The following ZNF248 variants were observed in gnomAD, a reference collection of about 807,000 sequenced individuals.
ZNF248 encodes KRAB protein domain.
In ZNF248, 20 loss-of-function variants were observed where a neutral mutation model predicts 44.3. That is an observed-to-expected ratio of 0.45 (90% CI 0.32 to 0.66). The LOEUF is 0.66. ZNF248 is among the 30% of genes least tolerant of loss of function. The pLI, the probability that ZNF248 is intolerant of heterozygous loss-of-function variation, is 0.04. For missense variants in ZNF248, 654 were observed against 677.0 expected, an observed-to-expected ratio of 0.97 and a Z score of 0.38; for synonymous variants, 224 against 229.0, an observed-to-expected ratio of 0.98 and a Z score of 0.20.
downstream of ZNF248, among the ~76,000 whole-genome samples, chr10:37,826,042 TA>T (rs1052168838): frequency 3.3e-5 from 5 of 152,268 alleles, no homozygotes; most frequent in African/African-American, 1.2e-4. Flanking sequence ...AGGATGTAGA[TA>T]AAATATTGTT....
At chr10:37,766,140 T>TC in the ZNF248 span, among the ~76,000 whole-genome samples, 1 of 152,182 alleles carries the variant, frequency 6.6e-6, no homozygotes, top group African/African-American at 2.4e-5. Flanking sequence ...CCACCACAGC[T>TC]CAAGGAGGCC....
chr10:37,849,367 T>C (rs1265416003), intron 3 of ZNF248, among the ~76,000 whole-genome samples: 5 of 151,520 alleles, frequency 3.3e-5, no homozygotes, highest in East Asian at 3.9e-4. Context: ...TTTTCACAAA[T>C]GGTGAAAAAT....
At chr10:37,854,834 C>A (rs75808848) in intron 3 of ZNF248, among the ~76,000 whole-genome samples, 150 of 152,296 alleles carry the variant, frequency 9.8e-4, no homozygotes, top group African/African-American at 3.5e-3. Context: ...AGAGAAAATG[C>A]TATTCATGTT....
chr10:37,786,560 C>T (rs1050752196), intron 6 of ZNF248, among the ~76,000 whole-genome samples: 11 of 152,058 alleles, frequency 7.2e-5, no homozygotes, highest in African/African-American at 2.7e-4. Flanking sequence ...TAGACATAAT[C>T]TTGAGGTTGC....
intron 3 of ZNF248, among the ~76,000 whole-genome samples, chr10:37,844,568 T>C (rs1236109267): frequency 1.3e-5 from 2 of 152,202 alleles, no homozygotes; most frequent in African/African-American, 4.8e-5. Context: ...GCACAATGTA[T>C]AAAGATGTAA....
At chr10:37,815,170 G>T (rs760457704) in intron 6 of ZNF248, among the ~76,000 whole-genome samples, 1 of 151,848 alleles carries the variant, frequency 6.6e-6, no homozygotes, top group Non-Finnish European at 1.5e-5. Context: ...GGGTTCAAGC[G>T]ATTCTCCTGC....
chr10:37,844,015 G>A (rs925254479), intron 3 of ZNF248, among the ~76,000 whole-genome samples: 1 of 152,112 alleles, frequency 6.6e-6, no homozygotes, highest in Non-Finnish European at 1.5e-5. Context: ...AAAGAAATAA[G>A]GGCTAAAAAC....
At chr10:37,844,137 G>T (rs1348228547) in intron 3 of ZNF248, among the ~76,000 whole-genome samples, 1 of 152,078 alleles carries the variant, frequency 6.6e-6, no homozygotes, top group Non-Finnish European at 1.5e-5. Context: ...ACTATCAAAA[G>T]CCAAATAACA....
intron 6 of ZNF248, among the ~76,000 whole-genome samples, chr10:37,790,232 C>CTGCA (rs2048338029): frequency 6.8e-6 from 1 of 147,850 alleles, no homozygotes; most frequent in Non-Finnish European, 1.5e-5. Flanking sequence ...GATCGCGCCA[C>CTGCA]TGCACTCCAG....
chr10:37,822,435 A>G (rs2053630645), intron 6 of ZNF248, among the ~76,000 whole-genome samples: 1 of 152,182 alleles, frequency 6.6e-6, no homozygotes, highest in African/African-American at 2.4e-5. Context: ...TTCAGAAAAC[A>G]ATCTAAAAGA....
intron 6 of ZNF248, chr10:37,795,004 G>GT (rs1253750230): frequency 6.6e-6 from 1 of 152,482 alleles, no homozygotes; most frequent in Non-Finnish European, 1.5e-5. Flanking sequence ...AGATTTCTAT[G>GT]TGAGTTCTCT....
chr10:37,802,995 C>CTT, intron 6 of ZNF248: 1 of 151,230 alleles, frequency 6.6e-6, no homozygotes. Flanking sequence ...CAGCCAGATA[C>CTT]TTTTTTTTTG....
chr10:37,843,693 A>G (rs753513740), intron 3 of ZNF248, among the ~76,000 whole-genome samples: 8 of 152,180 alleles, frequency 5.3e-5, no homozygotes, highest in Non-Finnish European at 1.2e-4. Flanking sequence ...GAGGCCAACA[A>G]TGTCTGAACT....
the ZNF248 span, among the ~76,000 whole-genome samples, chr10:37,758,999 C>T: frequency 6.6e-6 from 1 of 152,130 alleles, no homozygotes; most frequent in Non-Finnish European, 1.5e-5. Flanking sequence ...GCTCTGCTGT[C>T]CTGTGCTAAA....
intron 6 of ZNF248, among the ~76,000 whole-genome samples, chr10:37,813,673 T>C (rs1387447134): frequency 6.6e-6 from 1 of 152,162 alleles, no homozygotes; most frequent in African/African-American, 2.4e-5. Context: ...GTTAATCAGC[T>C]GTTTATGTTA....
chr10:37,787,276 C>G (rs983586371), intron 6 of ZNF248, among the ~76,000 whole-genome samples: 2 of 151,532 alleles, frequency 1.3e-5, no homozygotes, highest in Non-Finnish European at 2.9e-5. Flanking sequence ...AAGACTCTAT[C>G]TCAAAACAAA....
In ZNF248 at chr10:37,829,951, G is replaced by A. The variant is rs940481211; in HGVS notation, c.*1664C>T. Reference sequence around the variant, plus strand: ...GCACAAAAATATAAAATTTAGCTCAGCAAGGATGAAGTAGGGAATGGCCAT... The same window carrying A: ...GCACAAAAATATAAAATTTAGCTCAACAAGGATGAAGTAGGGAATGGCCAT... On this transcript the variant is annotated 3_prime_UTR_variant, in exon 6 of 6. Coordinates refer to ENST00000395867, the MANE Select transcript of ZNF248 (RefSeq NM_021045.3). 10 of 985,264 alleles carry A rather than the reference G, an allele frequency of 1.0e-5. No individual in the cohort carries two copies. The highest frequency in any genetic ancestry group is 4.7e-5 in the South Asian group (1 of 21,286). 61.0% of individuals were successfully genotyped at this position (985,264 alleles called of 1,614,324 possible).
At chr10:37,797,383 T>C (rs1436869937) in intron 6 of ZNF248, among the ~76,000 whole-genome samples, 1 of 152,132 alleles carries the variant, frequency 6.6e-6, no homozygotes, top group Non-Finnish European at 1.5e-5. Context: ...CTTAGATTAA[T>C]TTTAGATTAG....
downstream of ZNF248, among the ~76,000 whole-genome samples, chr10:37,772,659 C>T (rs1466016330): frequency 6.6e-6 from 1 of 152,170 alleles, no homozygotes. Flanking sequence ...TGGTCTAACA[C>T]CACAGTATGA....
Sources: gnomAD v4.1 joint callset for allele counts (sites outside exome capture counted in the v4.1 genomes callset) on GRCh38, gnomAD v4.1.1 for gene constraint, MANE v1.5 for transcripts, NCBI Gene and HGNC (gene_info 2026-07-23, HGNC 2026-07-21) for gene names.